The following FARP1 variants were observed in gnomAD, a reference collection of about 807,000 sequenced individuals.
FARP1 encodes the protein FERM, ARHGEF and pleckstrin domain-containing protein 1.
FARP1 carries 52 observed loss-of-function variants against 128.8 expected under a neutral mutation model. The observed-to-expected ratio is 0.40, with a 90% CI of 0.32 to 0.51. The LOEUF (loss-of-function observed/expected upper bound fraction) is 0.51, where lower values mean the gene tolerates loss of function less well. Among genes scored for constraint, FARP1 ranks in the 20% least tolerant of loss-of-function variants. FARP1 has a pLI of 0.45. For synonymous variants in FARP1, 580 were observed against 551.8 expected, an observed-to-expected ratio of 1.05 and a Z score of -0.72; for missense variants, 1,333 against 1,367.9, an observed-to-expected ratio of 0.97 and a Z score of 0.40.
intron 2 of FARP1, among the ~76,000 whole-genome samples, chr13:98,216,364 T>C (rs1881062081): frequency 6.6e-6 from 1 of 152,124 alleles, no homozygotes; most frequent in Admixed American, 6.5e-5. Context: ...TTTAAAACCT[T>C]GCTGTGAAAC....
At chr13:98,362,021 T>C (rs1888894444) in intron 3 of FARP1, among the ~76,000 whole-genome samples, 1 of 152,174 alleles carries the variant, frequency 6.6e-6, no homozygotes, top group African/African-American at 2.4e-5. Context: ...CCCAGCACTT[T>C]GGGAGGCCGA....
chr13:98,144,118 T>C (rs969325620), intron 1 of FARP1, among the ~76,000 whole-genome samples: 1 of 152,178 alleles, frequency 6.6e-6, no homozygotes, highest in East Asian at 1.9e-4. Flanking sequence ...TTGCGGCGAG[T>C]ATTTCCAAAC....
At chr13:98,328,105 C>G (rs1375765975) in intron 2 of FARP1, 1 of 152,196 alleles carries the variant, frequency 6.6e-6, no homozygotes, top group East Asian at 1.9e-4. Flanking sequence ...TGCACAGCCC[C>G]CACAGGCTGG....
intron 18 of FARP1, chr13:98,435,078 A>C (rs1399076229): frequency 6.5e-6 from 1 of 152,842 alleles, no homozygotes; most frequent in Non-Finnish European, 1.5e-5. Flanking sequence ...TCCACACAAG[A>C]CAGAACTGGG....
chr13:98,195,880 G>A (rs1879543170), intron 1 of FARP1, among the ~76,000 whole-genome samples: 2 of 151,956 alleles, frequency 1.3e-5, no homozygotes, highest in African/African-American at 4.8e-5. Context: ...TAAAAAATTC[G>A]CTGGGCGTGG....
intron 1 of FARP1, among the ~76,000 whole-genome samples, chr13:98,180,675 C>A (rs748324622): frequency 6.6e-6 from 1 of 152,060 alleles, no homozygotes; most frequent in African/African-American, 2.4e-5. Flanking sequence ...TATTGATGTT[C>A]TTGTTTTCTC....
intron 2 of FARP1, among the ~76,000 whole-genome samples, 157 bp downstream of exon 2, chr13:98,213,570 G>A (rs528298243): frequency 7.2e-5 from 11 of 152,006 alleles, no homozygotes; most frequent in African/African-American, 1.2e-4. Context: ...CCGCTGACCC[G>A]TTCTGGTTTC....
In FARP1 at chr13:98,445,693, C is replaced by T. The variant is rs143969812; in HGVS notation, c.2797-405C>T. On this transcript the variant is annotated intron_variant, in intron 24 of 26. Transcript: ENST00000319562. ...CCATTTCTGCCTCGGTGTCACAGGGCACACCCCTCTCCCCTCAAGGTGGCT... is the reference window on the plus strand; with the variant it reads ...CCATTTCTGCCTCGGTGTCACAGGGTACACCCCTCTCCCCTCAAGGTGGCT... The T allele has an allele frequency of 5.3e-4, 83 of 156,402 alleles. 2 individuals carry two copies. The East Asian group carries it at 0.015, about 29-fold the overall frequency. The allele number at this position is 156,402 out of a possible 1,614,324, so 9.7% of individuals were successfully genotyped here.
chr13:98,236,471 A>G (rs1882426533), intron 2 of FARP1, among the ~76,000 whole-genome samples: 1 of 152,204 alleles, frequency 6.6e-6, no homozygotes, highest in Admixed American at 6.5e-5. Flanking sequence ...TGGCCATTGA[A>G]CAACACAGGT....
intron 3 of FARP1, among the ~76,000 whole-genome samples, chr13:98,358,459 C>T (rs1888727632): frequency 6.6e-6 from 1 of 151,878 alleles, no homozygotes; most frequent in South Asian, 2.1e-4. Context: ...AAATCCAGTC[C>T]CTGTTACTCT....
At chr13:98,273,500 G>C (rs1884486723) in intron 2 of FARP1, among the ~76,000 whole-genome samples, 1 of 152,210 alleles carries the variant, frequency 6.6e-6, no homozygotes, top group African/African-American at 2.4e-5. Flanking sequence ...CAGTTCTTAA[G>C]GTTCTTCTGA....
rs1193440104 is a variant in FARP1, at chr13:98,391,648, G to A, written c.1088+768G>A. On this transcript the variant is annotated intron_variant, in intron 11 of 26. Transcript: ENST00000319562. ...CCCTTAGTGTGTGCCAGGCTGTTCC[G>A]AGCACTGGGCCTGAGTGAACTCATT... Among the ~76,000 whole-genome samples, 13 of 152,302 alleles carry A rather than the reference G, an allele frequency of 8.5e-5. No homozygotes were observed. In the East Asian group the frequency reaches 9.6e-4, roughly 11 times the overall value.
chr13:98,298,088 A>T (rs111884157), intron 2 of FARP1, among the ~76,000 whole-genome samples: 77 of 152,280 alleles, frequency 5.1e-4, no homozygotes, highest in Non-Finnish European at 9.1e-4. Flanking sequence ...GCTGTGTAGG[A>T]CTGTGATGGG....
chr13:98,170,458 G>A (rs1327549479), intron 1 of FARP1, among the ~76,000 whole-genome samples: 1 of 152,232 alleles, frequency 6.6e-6, no homozygotes, highest in African/African-American at 2.4e-5. Flanking sequence ...CCGGGTTCAA[G>A]CAATTCTCCT....
At chr13:98,331,310 C>G (rs1887500745) in intron 2 of FARP1, among the ~76,000 whole-genome samples, 1 of 152,176 alleles carries the variant, frequency 6.6e-6, no homozygotes, top group Non-Finnish European at 1.5e-5. Flanking sequence ...TTGTCCTACT[C>G]TAGCAAGCTT....
intron 5 of FARP1, among the ~76,000 whole-genome samples, chr13:98,370,277 A>G (rs1416516615): frequency 1.3e-5 from 2 of 152,232 alleles, no homozygotes; most frequent in Non-Finnish European, 2.9e-5. Context: ...AAGGAGGGCC[A>G]GCATGGCAGG....
intron 13 of FARP1, 125 bp downstream of exon 13, chr13:98,395,601 C>T (rs1890501542): frequency 8.4e-7 from 1 of 1,190,782 alleles, no homozygotes; most frequent in African/African-American, 1.5e-5. Context: ...GATCCCGGTC[C>T]CGGTCCCAAA....
chr13:98,213,236 T>G lies in FARP1; in HGVS notation c.-7T>G, dbSNP rs1434788709. 6.2e-7 allele frequency: 1 copy of G among 1,610,454 alleles called. No homozygotes were observed. On this transcript the variant is annotated 5_prime_UTR_variant, in exon 2 of 27. Transcript: ENST00000319562. ...TTCCTGCAGATATTCTCTAAGCCGC[T>G]TTCATCATGGGAGAAATAGAGCAGA...
chr13:98,166,598 C>T (rs181864690), intron 1 of FARP1, among the ~76,000 whole-genome samples: 1 of 152,168 alleles, frequency 6.6e-6, no homozygotes, highest in Non-Finnish European at 1.5e-5. Context: ...TGAACCCACA[C>T]AATCTGGATC....
Sources: allele counts gnomAD v4.1 joint callset (sites outside exome capture counted in the v4.1 genomes callset), GRCh38; gene constraint gnomAD v4.1.1; transcripts MANE v1.5; gene names NCBI Gene and HGNC (gene_info 2026-07-23, HGNC 2026-07-21).